DYSF: variants seen among roughly 807,000 people sequenced by gnomAD.
DYSF encodes dystrophy-associated fer-1-like 1.
Under a neutral mutation model 274.9 loss-of-function variants are expected in DYSF, and 212 were observed. The ratio of observed to expected loss-of-function variants is 0.77; its 90% CI spans 0.69 to 0.86. The LOEUF is 0.86. Ranked by LOEUF, DYSF falls within the 40% of genes least tolerant of loss-of-function variation. The pLI is 0.00. For synonymous variants in DYSF, 1,091 were observed against 1,078.7 expected (o/e 1.01, Z -0.22); for missense variants, 2,666 against 2,783.2 (o/e 0.96, Z 0.95).
chr2:71,627,778 A>G (rs1389404617), intron 41 of DYSF, among the ~76,000 whole-genome samples: 1 of 152,104 alleles, frequency 6.6e-6, no homozygotes, highest in Non-Finnish European at 1.5e-5. Context: ...GAATTCTTAT[A>G]TCTTCCTGGA....
At chr2:71,575,842 A>C (rs1574108003) in intron 30 of DYSF, among the ~76,000 whole-genome samples, 1 of 151,756 alleles carries the variant, frequency 6.6e-6, no homozygotes, top group Middle Eastern at 3.4e-3. Context: ...TAGGCCTGGC[A>C]GGAAACAGGT....
intron 1 of DYSF, among the ~76,000 whole-genome samples, chr2:71,460,153 C>T (rs2081226117): frequency 6.6e-6 from 1 of 152,224 alleles, no homozygotes; most frequent in Admixed American, 6.5e-5. Flanking sequence ...ACTGGTAAGA[C>T]TCTGACCCAC....
At chr2:71,454,665 TCTGCCCCCAACCC>T (rs1315611018) in intron 1 of DYSF, among the ~76,000 whole-genome samples, 1 of 152,164 alleles carries the variant, frequency 6.6e-6, no homozygotes, top group African/African-American at 2.4e-5. Flanking sequence ...ACAGACTTTC[TCTGCCCCCAACCC>T]CTGCCCCCAA....
chr2:71,590,069 G>A (rs942573594), intron 31 of DYSF, 142 bp from the exon 32 acceptor site: 35 of 809,118 alleles, frequency 4.3e-5, no homozygotes, highest in African/African-American at 1.2e-4. Context: ...TCCTGACCTC[G>A]CACAGTGGCC....
intron 13 of DYSF, 72 bp downstream of exon 13, chr2:71,526,418 T>TGGGTTGGGGGGGGGGGGGTTG: frequency 3.8e-6 from 1 of 261,502 alleles, no homozygotes; most frequent in African/African-American, 4.6e-5. Context: ...GGGTGGGCGA[T>TGGGTTGGGGGGGGGGGGGTTG]GGCGGGCGGG....
intron 4 of DYSF, among the ~76,000 whole-genome samples, chr2:71,505,589 T>C (rs373973653): frequency 6.6e-6 from 1 of 152,196 alleles, no homozygotes; most frequent in South Asian, 2.1e-4. Context: ...CCTTCAGATA[T>C]AGCACGCTGG....
upstream of DYSF, among the ~76,000 whole-genome samples, chr2:71,464,665 G>A (rs761531928): frequency 1.3e-5 from 2 of 152,296 alleles, no homozygotes; most frequent in Middle Eastern, 3.4e-3. Flanking sequence ...GGAGGTCAGC[G>A]AGGTCAGCCA....
chr2:71,466,339 C>T (rs1202320095), upstream of DYSF, among the ~76,000 whole-genome samples: 1 of 152,226 alleles, frequency 6.6e-6, no homozygotes, highest in Non-Finnish European at 1.5e-5. Flanking sequence ...TGCACTCCTG[C>T]CTCCTTCTCA....
intron 42 of DYSF, among the ~76,000 whole-genome samples, chr2:71,647,539 A>G (rs966666526): frequency 1.3e-5 from 2 of 152,222 alleles, no homozygotes; most frequent in African/African-American, 2.4e-5. Flanking sequence ...CAAACCCACA[A>G]AATCCATTTT....
rs201191038 is a variant in DYSF at position 71,674,189 on chromosome 2, C to A, written c.5785-8C>A. 6.8e-6 allele frequency: 11 copies of A among 1,613,564 alleles called. No homozygotes were observed. The highest frequency in any genetic ancestry group is 9.3e-6 in the Non-Finnish European group (11 of 1,179,608). On this transcript the variant is annotated splice_region_variant and splice_polypyrimidine_tract_variant and intron_variant, in intron 51 of 55. Transcript: ENST00000410020. ...CTTGCATCCTTCTCTGTTCCTCTTC[C>A]GGGTCAGGATGCCTTCTGGAGGCTG...
intron 4 of DYSF, among the ~76,000 whole-genome samples, chr2:71,505,970 A>G (rs930235886): frequency 3.9e-5 from 6 of 152,138 alleles, no homozygotes; most frequent in Non-Finnish European, 7.3e-5. Context: ...AGCTTTCTTC[A>G]AAGGTTTGGA....
At chr2:71,613,812 C>T (rs764360011) in intron 40 of DYSF, among the ~76,000 whole-genome samples, 7 of 152,134 alleles carry the variant, frequency 4.6e-5, no homozygotes, top group Non-Finnish European at 8.8e-5. Context: ...CAGGCCCCTT[C>T]TTAGGGGGAA....
chr2:71,589,621 A>G lies in DYSF; in HGVS notation c.3431A>G (p.Asp1144Gly), dbSNP rs767151230. 2.5e-6 allele frequency: 4 copies of G among 1,614,038 alleles called. No homozygotes were observed. Among genetic ancestry groups the G allele is most frequent in the Non-Finnish European group, 1.7e-6 (2 of 1,180,006 alleles). Reference sequence around the variant, plus strand: ...GGCGTGATGGATGACAAGAGTGAAGATTCCATGTCCGTCTCCACCTTGAGC... The same window carrying G: ...GGCGTGATGGATGACAAGAGTGAAGGTTCCATGTCCGTCTCCACCTTGAGC... ...LGGVMDDKSE[D>G]SMSVSTLSFG... Residue 1144 changes from aspartate to glycine, a missense_variant, in exon 31 of 56, where the codon GAT (aspartate) becomes GGT (glycine). Transcript: ENST00000410020.
intron 22 of DYSF, among the ~76,000 whole-genome samples, chr2:71,559,225 G>A (rs2091553231): frequency 6.6e-6 from 1 of 152,304 alleles, no homozygotes; most frequent in South Asian, 2.1e-4. Context: ...GCACCTCCGT[G>A]CTGCGTCTGG....
At chr2:71,650,403 C>T (rs1458866017) in intron 42 of DYSF, among the ~76,000 whole-genome samples, 1 of 152,142 alleles carries the variant, frequency 6.6e-6, no homozygotes, top group African/African-American at 2.4e-5. Context: ...ATCGCTTGAA[C>T]CTGGGAGGTG....
At chr2:71,678,019 A>C (rs955035941) in intron 52 of DYSF, among the ~76,000 whole-genome samples, 3 of 152,266 alleles carry the variant, frequency 2.0e-5, no homozygotes, top group Admixed American at 1.3e-4. Flanking sequence ...TGCTTGGAAC[A>C]GAAGTGTTTC....
intron 23 of DYSF, 72 bp downstream of exon 23, chr2:71,562,016 A>T: frequency 6.4e-7 from 1 of 1,556,048 alleles, no homozygotes; most frequent in Non-Finnish European, 8.7e-7. Flanking sequence ...GGCAGGGACA[A>T]GGCGAATGTC....
rs181848811 is a variant in DYSF at position 71,596,997 on chromosome 2, C to T, written c.3575-1567C>T. On this transcript the variant is annotated intron_variant, in intron 32 of 55. Coordinates refer to ENST00000410020, the MANE Select transcript of DYSF (RefSeq NM_001130987.2). ...CCATTGCCCACCCCAACCTTCCCACCTCTTTCCTGGTCACTCCTTGCCAGC... is the reference window on the plus strand; with the variant it reads ...CCATTGCCCACCCCAACCTTCCCACTTCTTTCCTGGTCACTCCTTGCCAGC... Among the ~76,000 whole-genome samples the T allele has an allele frequency of 3.9e-5, 6 of 152,352 alleles. No homozygotes were observed. The East Asian group carries it at 1.2e-3, about 29-fold the overall frequency.
intron 45 of DYSF, among the ~76,000 whole-genome samples, chr2:71,663,423 C>T (rs1455211476): frequency 6.6e-6 from 1 of 152,228 alleles, no homozygotes; most frequent in African/African-American, 2.4e-5. Flanking sequence ...GGGCAGGATT[C>T]AGAGCAGTTC....
Sources: allele counts gnomAD v4.1 joint callset (sites outside exome capture counted in the v4.1 genomes callset), GRCh38; gene constraint gnomAD v4.1.1; transcripts MANE v1.5; gene names NCBI Gene and HGNC (gene_info 2026-07-23, HGNC 2026-07-21).